CDKN2AIP: variants seen among roughly 807,000 people sequenced by gnomAD.
CDKN2AIP encodes the protein CDKN2A interacting protein, also known as CDKN2A-interacting protein.
CDKN2AIP carries 12 observed loss-of-function variants against 44.1 expected under a neutral mutation model. The ratio of observed to expected loss-of-function variants is 0.27; its 90% CI spans 0.17 to 0.44. CDKN2AIP has a LOEUF of 0.44. Ranked by LOEUF, CDKN2AIP falls within the 20% of genes least tolerant of loss-of-function variation. The probability of loss-of-function intolerance (pLI) is 1.00; values close to 1 mark genes in which losing one functional copy is unlikely to be tolerated. For synonymous variants in CDKN2AIP, 291 were observed against 272.1 expected, an observed-to-expected ratio of 1.07 and a Z score of -0.68; for missense variants, 705 against 681.6, an observed-to-expected ratio of 1.03 and a Z score of -0.38.
Position 183,444,808 on chromosome 4 carries a change from A to T in CDKN2AIP, c.11A>T (p.Glu4Val), listed in dbSNP as rs886970816. 1.9e-6 allele frequency: 3 copies of T among 1,541,960 alleles called. No homozygotes were observed. Among genetic ancestry groups the T allele is most frequent in the African/African-American group, 1.4e-5 (1 of 72,942 alleles). Residue 4 changes from glutamate (E) to valine (V), a missense_variant, in exon 1 of 3, where the codon GAG becomes GTG. Glu to Val is a moderately radical substitution (Grantham distance 121). Around this residue, in one of 2 missense-constraint regions of CDKN2AIP, gnomAD observed 592 missense variants for 518.0 expected, o/e 1.14. Coordinates refer to ENST00000504169, the MANE Select transcript of CDKN2AIP (RefSeq NM_017632.4). MAQ[E>V]VSEYLSQNPR... is the part of the protein sequence containing the mutation. ...GCCTGCAGGCCCAACATGGCGCAGG[A>T]GGTGTCGGAGTACCTGAGCCAGAAC...
At chr4:183,445,138 C>G (rs1733638661) in intron 1 of CDKN2AIP, 69 bp downstream of exon 1, 2 of 1,502,122 alleles carry the variant, frequency 1.3e-6, no homozygotes, top group Non-Finnish European at 1.8e-6. Flanking sequence ...GGGCCCGGCG[C>G]CCTCCGCGGG....
Position 183,444,675 on chromosome 4 carries a change from T to A in CDKN2AIP, c.-123T>A. On this transcript the variant is annotated 5_prime_UTR_variant, in exon 1 of 3. Transcript: ENST00000504169. ...CGGCTCTGGGCGCTGTTGTTTGGTC[T>A]TTAGGCCTGCGGAGGGGCGTTATCT... The A allele has an allele frequency of 1.0e-6, 1 of 1,001,382 alleles. No individual in the cohort carries two copies. The highest frequency in any genetic ancestry group is 1.4e-6 in the Non-Finnish European group (1 of 714,212). The allele number at this position is 1,001,382 out of a possible 1,614,324, so 62.0% of individuals were successfully genotyped here.
In CDKN2AIP at chr4:183,448,027, C is replaced by G. The variant is rs183087007; in HGVS notation, c.*600C>G. 2 of 152,180 alleles carry G rather than the reference C, an allele frequency of 1.3e-5. No homozygotes were observed. Among genetic ancestry groups the G allele is most frequent in the Admixed American group, 6.5e-5 (1 of 15,290 alleles). The allele number at this position is 152,180 out of a possible 1,614,324, so 9.4% of individuals were successfully genotyped here. A position where few individuals can be genotyped will look rare whatever the true frequency, so the allele number is the denominator to read the frequency against. On this transcript the variant is annotated 3_prime_UTR_variant, in exon 3 of 3. Transcript: ENST00000504169. The stretch of plus-strand genomic sequence containing the variant: ...GTTTAAAATTCACCATGACTTTGAC[C>G]GCTGAAGATTCTTTAAGCGGGTTAA...
chr4:183,446,120 A>G lies in CDKN2AIP; in HGVS notation c.436A>G (p.Ile146Val). 3.1e-6 allele frequency: 5 copies of G among 1,612,216 alleles called. No individual in the cohort carries two copies. Among genetic ancestry groups the G allele is most frequent in the African/African-American group, 1.3e-5 (1 of 74,854 alleles). Residue 146 changes from isoleucine (I) to valine (V), a missense_variant, in exon 3 of 3, where the codon ATA becomes GTA. This residue lies in a region of CDKN2AIP where 592 missense variants were observed against 518.0 expected (regional missense o/e 1.14). Transcript: ENST00000504169. ...GVEEPSKKRV[I>V]EGKNSSAVEQ... ...AGAAGAGCCATCCAAAAAACGAGTT[A>G]TAGAAGGAAAAAACAGTTCTGCAGT...
chr4:183,446,935 A>C lies in CDKN2AIP; in HGVS notation c.1251A>C (p.Ser417=). 1.2e-6 allele frequency: 2 copies of C among 1,614,256 alleles called. No homozygotes were observed. Among genetic ancestry groups the C allele is most frequent in the Non-Finnish European group, 1.7e-6 (2 of 1,180,042 alleles). Residue 417 remains serine (S), a synonymous_variant, in exon 3 of 3, where the codon TCA becomes TCC. Coordinates refer to ENST00000504169, the MANE Select transcript of CDKN2AIP (RefSeq NM_017632.4). ...TGCCTTCTAAAAGTACTTCACAGTC[A>C]AGTGAGAGTTCTGTCAAATTCTCTT... The part of the protein sequence containing the change: ...SQLPSKSTSQ[S]SESSVKFSCK...
In CDKN2AIP at chr4:183,446,403, G is replaced by C; in HGVS notation, c.719G>C (p.Gly240Ala). ...GAAGCAGAAGCTCCAGATAAACACG[G>C]TTCTGCATCATTTGTTTCCTTGCTG... ...ASEAEAPDKH[G>A]SASFVSLLKS... The change falls in exon 3 of 3, where the codon GGT becomes GCT. Residue 240 changes from glycine to alanine, a missense_variant. By Grantham distance (60) the Gly-to-Ala change is moderately conservative. Transcript: ENST00000504169. 6.5e-7 allele frequency: 1 copy of C among 1,546,386 alleles called. No individual in the cohort carries two copies. Among genetic ancestry groups the C allele is most frequent in the African/African-American group, 1.4e-5 (1 of 72,780 alleles).
intron 2 of CDKN2AIP, 108 bp downstream of exon 2, chr4:183,445,773 T>C (rs894835997): frequency 4.3e-5 from 37 of 866,060 alleles, no homozygotes; most frequent in Admixed American, 1.4e-4. Context: ...TTTTATGTTA[T>C]TAATAAGTAA....
chr4:183,446,493 A>C lies in CDKN2AIP; in HGVS notation c.809A>C (p.Lys270Thr), dbSNP rs1733684283. ...TCTAGACAACAAAGTGGATCACCTA[A>C]AAAGAGTGCTTTGGAAGGCTCTTCA... ...TDSRQQSGSP[K>T]KSALEGSSAS... The change falls in exon 3 of 3, where the codon AAA becomes ACA. Residue 270 changes from lysine to threonine, a missense_variant. Transcript: ENST00000504169. 7 of 1,613,810 alleles carry C rather than the reference A, an allele frequency of 4.3e-6. No homozygotes were observed. The highest frequency in any genetic ancestry group is 5.9e-6 in the Non-Finnish European group (7 of 1,179,806).
At position 183,444,673 on chromosome 4, in the gene CDKN2AIP, T is replaced by C. The variant is rs1733617657; in HGVS notation, c.-125T>C. On this transcript the variant is annotated 5_prime_UTR_variant, in exon 1 of 3. Coordinates refer to ENST00000504169, the MANE Select transcript of CDKN2AIP (RefSeq NM_017632.4). ...GGCGGCTCTGGGCGCTGTTGTTTGG[T>C]CTTTAGGCCTGCGGAGGGGCGTTAT... 1.1e-6 allele frequency: 1 copy of C among 946,848 alleles called. No individual in the cohort carries two copies. Among genetic ancestry groups the C allele is most frequent in the South Asian group, 1.9e-5 (1 of 53,696 alleles). The allele number at this position is 946,848 out of a possible 1,614,324, so 58.7% of individuals were successfully genotyped here. A position where few individuals can be genotyped will look rare whatever the true frequency, so the allele number is the denominator to read the frequency against.
intron 1 of CDKN2AIP, chr4:183,445,311 G>A (rs1366084938): frequency 3.2e-6 from 2 of 625,228 alleles, no homozygotes; most frequent in African/African-American, 1.8e-5. Flanking sequence ...CTTGTGTTAG[G>A]GAACAACGCT....
intron 1 of CDKN2AIP, 130 bp from the exon 2 acceptor site, chr4:183,445,405 G>A (rs1440596938): frequency 2.7e-6 from 2 of 743,302 alleles, no homozygotes; most frequent in Non-Finnish European, 4.5e-6. Context: ...GGGGTTCCAG[G>A]AAACAGTTCT....
chr4:183,444,826 G>T lies in CDKN2AIP; in HGVS notation c.29G>T (p.Ser10Ile), dbSNP rs1156729136. The change falls in exon 1 of 3, where the codon AGC becomes ATC. Residue 10 changes from serine to isoleucine, a missense_variant. By Grantham distance (142) the Ser-to-Ile change is moderately radical. Transcript: ENST00000504169. ...GCGCAGGAGGTGTCGGAGTACCTGAGCCAGAACCCGCGGGTGGCAGCCTGG... is the reference window on the plus strand; with the variant it reads ...GCGCAGGAGGTGTCGGAGTACCTGATCCAGAACCCGCGGGTGGCAGCCTGG... MAQEVSEYL[S>I]QNPRVAAWVE... The T allele has an allele frequency of 1.3e-6, 2 of 1,556,176 alleles. No individual in the cohort carries two copies. Among genetic ancestry groups the T allele is most frequent in the Admixed American group, 1.9e-5 (1 of 51,942 alleles).
In CDKN2AIP at chr4:183,446,492, A is replaced by G; in HGVS notation, c.808A>G (p.Lys270Glu). The G allele has an allele frequency of 1.9e-6, 3 of 1,613,786 alleles. No homozygotes were observed. Among genetic ancestry groups the G allele is most frequent in the Non-Finnish European group, 2.5e-6 (3 of 1,179,644 alleles). The change falls in exon 3 of 3, where the codon AAA (lysine) becomes GAA (glutamate). Residue 270 changes from lysine to glutamate, a missense_variant. This residue lies in a region of CDKN2AIP where 592 missense variants were observed against 518.0 expected (regional missense o/e 1.14). Coordinates refer to ENST00000504169, the MANE Select transcript of CDKN2AIP (RefSeq NM_017632.4). ...TTCTAGACAACAAAGTGGATCACCT[A>G]AAAAGAGTGCTTTGGAAGGCTCTTC... ...TDSRQQSGSP[K>E]KSALEGSSAS...
Position 183,445,522 on chromosome 4 carries a change from CCTT to C in CDKN2AIP, c.273-9_273-7del. ...AAAACACTTTTTAAAAATGACTTTT[CCTT>C]CTTTTTCAGATACCCTCAAAAAGTT... On this transcript the variant is annotated splice_polypyrimidine_tract_variant and intron_variant, in intron 1 of 2. Coordinates refer to ENST00000504169, the MANE Select transcript of CDKN2AIP (RefSeq NM_017632.4). 9 of 1,605,736 alleles carry C rather than the reference CCTT, an allele frequency of 5.6e-6. No individual in the cohort carries two copies. Among genetic ancestry groups the C allele is most frequent in the Non-Finnish European group, 7.7e-6 (9 of 1,173,238 alleles).
rs1322845775 is a variant in CDKN2AIP at position 183,446,847 on chromosome 4, C to T, written c.1163C>T (p.Thr388Ile). The change falls in exon 3 of 3, where the codon ACT (threonine) becomes ATT (isoleucine). Residue 388 changes from threonine (T) to isoleucine (I), a missense_variant. This residue lies in a region of CDKN2AIP where 592 missense variants were observed against 518.0 expected (regional missense o/e 1.14). Coordinates refer to ENST00000504169, the MANE Select transcript of CDKN2AIP (RefSeq NM_017632.4). ...QTSGSLVSKS[T>I]SLASVSQLAS... is the part of the protein sequence containing the mutation. ...AGTGGATCTCTGGTTTCCAAAAGCA[C>T]TTCCTTAGCAAGTGTGTCCCAGTTG... The T allele has an allele frequency of 1.2e-6, 2 of 1,614,084 alleles. No individual in the cohort carries two copies. Among genetic ancestry groups the T allele is most frequent in the Non-Finnish European group, 1.7e-6 (2 of 1,180,034 alleles).
Position 183,444,939 on chromosome 4 carries a change from C to A in CDKN2AIP, c.142C>A (p.Pro48Thr), listed in dbSNP as rs750904455. The change falls in exon 1 of 3, where the codon CCC (proline) becomes ACC (threonine). Residue 48 changes from proline (P) to threonine (T), a missense_variant. Around this residue, in one of 2 missense-constraint regions of CDKN2AIP, gnomAD observed 592 missense variants for 518.0 expected, o/e 1.14. Transcript: ENST00000504169. ...GCTTCGCAACGCCGGGGACCTGGCC[C>A]CCGCTGGCGGCGCTGCCTCCGCTAG... Reference protein sequence around the residue: ...FLLRNAGDLAPAGGAASASTD... With the variant: ...FLLRNAGDLATAGGAASASTD... The A allele has an allele frequency of 1.2e-6, 2 of 1,611,374 alleles. No individual in the cohort carries two copies. The highest frequency in any genetic ancestry group is 2.2e-5 in the East Asian group (1 of 44,834).
rs752112414 is a variant in CDKN2AIP, at chr4:183,446,244, G to C, written c.560G>C (p.Ser187Thr). The change falls in exon 3 of 3, where the codon AGT becomes ACT. Residue 187 changes from serine to threonine, a missense_variant. By Grantham distance (58) the Ser-to-Thr change is moderately conservative. Transcript: ENST00000504169. Reference sequence around the variant, plus strand: ...ATAGGGTCGGCCATCAAATCAGAGAGTGGGAACTCAGCTCGGAGCTCTGGC... The same window carrying C: ...ATAGGGTCGGCCATCAAATCAGAGACTGGGAACTCAGCTCGGAGCTCTGGC... ...TCIGSAIKSE[S>T]GNSARSSGIS... The C allele has an allele frequency of 1.2e-6, 2 of 1,614,122 alleles. No homozygotes were observed. The highest frequency in any genetic ancestry group is 4.5e-5 in the East Asian group (2 of 44,892).
At chr4:183,445,907 A>C in intron 2 of CDKN2AIP, 181 bp from the exon 3 acceptor site, 1 of 645,672 alleles carries the variant, frequency 1.5e-6, no homozygotes, top group Admixed American at 3.1e-5. Context: ...TTTTTTTAAT[A>C]TTAGACATTC....
intron 2 of CDKN2AIP, chr4:183,445,878 C>G (rs780312991): frequency 1.1e-5 from 7 of 638,650 alleles, no homozygotes; most frequent in Non-Finnish European, 1.9e-5. Context: ...GAAGTGTCCA[C>G]TGTTGTCTGA....
Sources: gnomAD v4.1 joint callset for allele counts on GRCh38, gnomAD v4.1.1 for gene constraint, gnomAD v4.1.1 regional missense constraint, MANE v1.5 for transcripts, NCBI Gene and HGNC (gene_info 2026-07-23, HGNC 2026-07-21) for gene names.